Variants in ANKRD36C observed in about 807,000 individuals in gnomAD.
ANKRD36C encodes the protein ankyrin repeat domain-containing protein 36C.
In ANKRD36C, 61 loss-of-function variants were observed where a neutral mutation model predicts 276.4. That is an observed-to-expected ratio of 0.22 (90% CI 0.18 to 0.27). The LOEUF (loss-of-function observed/expected upper bound fraction) is 0.27, where lower values mean the gene tolerates loss of function less well. Among genes scored for constraint, ANKRD36C ranks in the 10% least tolerant of loss-of-function variants. The pLI is 1.00. For missense variants in ANKRD36C, 1,447 were observed against 2,032.3 expected (o/e 0.71, Z 5.54); for synonymous variants, 483 against 680.1 (o/e 0.71, Z 4.51).
intron 56 of ANKRD36C, 41 bp downstream of exon 76, chr2:95,882,261 T>A (rs1365481972): frequency 6.5e-7 from 1 of 1,547,360 alleles, no homozygotes; most frequent in Non-Finnish European, 8.7e-7. Flanking sequence ...TTGTCTTCTA[T>A]CTTGAGTGCA....
At chr2:95,937,005 A>C (rs1225833370) in intron 22 of ANKRD36C, among the ~76,000 whole-genome samples, 2 of 152,030 alleles carry the variant, frequency 1.3e-5, no homozygotes, top group South Asian at 2.1e-4. Flanking sequence ...GCTTTATTTT[A>C]CACTGAGGGT....
At position 95,852,162 on chromosome 2, in the gene ANKRD36C, A is replaced by T; in HGVS notation, c.5183T>A (p.Ile1728Lys). The T allele has an allele frequency of 3.1e-6, 5 of 1,608,900 alleles. No individual in the cohort carries two copies. The South Asian group carries it at 4.4e-5, about 14-fold the overall frequency. ...GCCTTCCATCTCCTTAGTACATCTT[A>T]TAGTAGCTGTAAGTTGATCCTGTAT... Residue 1728 changes from isoleucine (I) to lysine (K), a missense_variant, in exon 65 of 67, where the codon ATA (isoleucine) becomes AAA (lysine). Physicochemically the swap from Ile to Lys is moderately radical, Grantham distance 102. Coordinates refer to ENST00000456556, the Ensembl canonical transcript of ANKRD36C.
At chr2:95,985,543 C>T (rs1185743817) in intron 3 of ANKRD36C, among the ~76,000 whole-genome samples, 1 of 152,142 alleles carries the variant, frequency 6.6e-6, no homozygotes, top group African/African-American at 2.4e-5. Context: ...TTAAAACATA[C>T]ATGTCCAGTA....
intron 42 of ANKRD36C, 104 bp from the exon 53 acceptor site, chr2:95,903,185 A>T (rs1676707858): frequency 6.6e-7 from 1 of 1,505,270 alleles, no homozygotes; most frequent in African/African-American, 1.4e-5. Context: ...TGCCTGTATT[A>T]GCGTAGGCTT....
rs770278375 is a variant in ANKRD36C, at chr2:95,897,423, G to C, written c.2755+1722C>G. 7.1e-6 allele frequency: 11 copies of C among 1,542,092 alleles called. No individual in the cohort carries two copies. In the South Asian group the frequency reaches 1.1e-4, roughly 15 times the overall value. On this transcript the variant is annotated intron_variant, in intron 44 of 66. Transcript: ENST00000456556. ...ACATTTACTAGTTCACAATATAAAT[G>C]ACAGTTTCATTACCTTCAAGCCTGG...
chr2:95,869,846 C>T (rs1382124000), intron 59 of ANKRD36C, among the ~76,000 whole-genome samples: 1 of 152,248 alleles, frequency 6.6e-6, no homozygotes, highest in African/African-American at 2.4e-5. Flanking sequence ...AAAAACGGCA[C>T]ACCAGGAAAT....
At position 95,908,634 on chromosome 2, in the gene ANKRD36C, T is replaced by C. The variant is rs764314549; in HGVS notation, c.2653+3610A>G. The C allele has an allele frequency of 2.0e-5, 31 of 1,564,366 alleles. No homozygotes were observed. In the Admixed American group the frequency reaches 5.2e-4, roughly 26 times the overall value. On this transcript the variant is annotated intron_variant, in intron 42 of 66. Transcript: ENST00000456556. The stretch of plus-strand genomic sequence containing the variant: ...AAAGTATGTTTCATAGACTATACAT[T>C]TACTAGTTCACAACATAAATGACAG...
chr2:95,986,986 A>G, intron 2 of ANKRD36C, 62 bp from the exon 3 acceptor site: 1 of 1,609,732 alleles, frequency 6.2e-7, no homozygotes, highest in South Asian at 1.1e-5. Context: ...ACTCCGTAGG[A>G]TTTCCTACTA....
chr2:95,855,466 C>A (rs777537100), exon 63 of ANKRD36C: 173 of 1,612,182 alleles, frequency 1.1e-4, no homozygotes, highest in Middle Eastern at 2.0e-4. Flanking sequence ...TTGCGAGCAT[C>A]ATCCAGTTGC....
In ANKRD36C at chr2:95,958,672, G is replaced by C. The variant is rs1262265756; in HGVS notation, c.1033-9C>G. 2 of 1,549,846 alleles carry C rather than the reference G, an allele frequency of 1.3e-6. No homozygotes were observed. The highest frequency in any genetic ancestry group is 2.7e-5 in the African/African-American group (2 of 73,108). On this transcript the variant is annotated splice_polypyrimidine_tract_variant and intron_variant, in intron 11 of 66. Transcript: ENST00000456556. ...TTCTTGTCACTTGTATCCTGAATGG[G>C]ATTTCAAACAAAATAATCAATACCT... is the stretch of plus-strand genomic sequence containing the variant.
chr2:95,951,825 G>T (rs1429847873), intron 14 of ANKRD36C, among the ~76,000 whole-genome samples: 1,096 of 139,676 alleles, frequency 7.8e-3, no homozygotes, highest in African/African-American at 0.036. Flanking sequence ...TACTTTCTGT[G>T]GGAAAAAATG....
At chr2:95,884,077 G>A (rs1415687161) in intron 54 of ANKRD36C, 96 bp downstream of exon 74, 23 of 1,356,730 alleles carry the variant, frequency 1.7e-5, no homozygotes, top group Non-Finnish European at 2.1e-5. Flanking sequence ...GAATCAGAAT[G>A]TGCAGCTTCG....
chr2:95,877,994 A>ATGTTAC, intron 58 of ANKRD36C, among the ~76,000 whole-genome samples: 1 of 145,844 alleles, frequency 6.9e-6, no homozygotes, highest in Non-Finnish European at 1.5e-5. Context: ...GACCAGCCTG[A>ATGTTAC]CTAACATGGT....
intron 32 of ANKRD36C, among the ~76,000 whole-genome samples, chr2:95,922,773 T>G (rs972559442): frequency 1.3e-5 from 2 of 151,672 alleles, no homozygotes; most frequent in African/African-American, 2.4e-5. Flanking sequence ...ATATTCAAGT[T>G]TATCTAATTT....
intron 42 of ANKRD36C, among the ~76,000 whole-genome samples, chr2:95,908,033 C>G (rs1244635338): frequency 1.3e-5 from 2 of 150,852 alleles, no homozygotes; most frequent in Non-Finnish European, 1.5e-5. Context: ...TCACACCTTC[C>G]TGCCTCACAA....
intron 1 of ANKRD36C, among the ~76,000 whole-genome samples, chr2:95,989,018 A>C (rs1679086015): frequency 6.6e-6 from 1 of 152,098 alleles, no homozygotes; most frequent in African/African-American, 2.4e-5. Flanking sequence ...AATATACAAA[A>C]ATTAGCTGGC....
intron 60 of ANKRD36C, among the ~76,000 whole-genome samples, 183 bp from the exon 81 acceptor site, chr2:95,860,257 T>TA (rs1396311269): frequency 5.3e-5 from 8 of 152,104 alleles, no homozygotes; most frequent in Non-Finnish European, 1.5e-5. Flanking sequence ...GCTATTGTTT[T>TA]AGCTTAAAGT....
At chr2:95,971,631 G>T (rs1678699826) in intron 6 of ANKRD36C, among the ~76,000 whole-genome samples, 1 of 151,826 alleles carries the variant, frequency 6.6e-6, no homozygotes, top group African/African-American at 2.4e-5. Flanking sequence ...GTATATAAAA[G>T]TACATAAAGC....
chr2:95,943,563 ATTAT>A (rs1558650107), intron 19 of ANKRD36C, among the ~76,000 whole-genome samples: 3 of 150,782 alleles, frequency 2.0e-5, no homozygotes, highest in Non-Finnish European at 4.4e-5. Context: ...TTATTATTTA[ATTAT>A]TTATTTTCCC....
Sources: allele counts gnomAD v4.1 joint callset (sites outside exome capture counted in the v4.1 genomes callset), GRCh38; gene constraint gnomAD v4.1.1; transcripts MANE v1.5; gene names NCBI Gene and HGNC (gene_info 2026-07-23, HGNC 2026-07-21).